Variants in AKAP6 observed in about 807,000 individuals in gnomAD.
AKAP6 encodes A-kinase anchoring protein 6.
Under a neutral mutation model 188.5 loss-of-function variants are expected in AKAP6, and 58 were observed. That is an observed-to-expected ratio of 0.31 (90% confidence interval 0.25 to 0.38). AKAP6 has a LOEUF of 0.38. Ranked by LOEUF, AKAP6 falls within the 10% of genes least tolerant of loss-of-function variation. AKAP6 has a pLI of 1.00. For missense variants in AKAP6, 2,710 were observed against 2,740.0 expected, an observed-to-expected ratio of 0.99 and a Z score of 0.24; for synonymous variants, 989 against 998.6, an observed-to-expected ratio of 0.99 and a Z score of 0.18.
chr14:32,420,909 T>TGTG (rs1889820232), intron 1 of AKAP6, among the ~76,000 whole-genome samples: 1 of 146,410 alleles, frequency 6.8e-6, no homozygotes, highest in Non-Finnish European at 1.5e-5. Flanking sequence ...GGAGATTGAT[T>TGTG]TGTGTGTGTG....
Position 32,837,428 on chromosome 14 carries a change from TA to T in AKAP6, c.*7628del, listed in dbSNP as rs2034886037. The T allele has an allele frequency of 6.6e-6, 1 of 152,178 alleles. No individual in the cohort carries two copies. Among genetic ancestry groups the T allele is most frequent in the Admixed American group, 6.5e-5 (1 of 15,272 alleles). The allele number at this position is 152,178 out of a possible 1,614,324, so 9.4% of individuals were successfully genotyped here. A position where few individuals can be genotyped will look rare whatever the true frequency, so the allele number is the denominator to read the frequency against. Reference sequence around the variant, plus strand: ...AAAATGATTGAAGGCATTAGGAACATAAAAATGCATAAGATCCTCTTTTAAA... The same window carrying T: ...AAAATGATTGAAGGCATTAGGAACATAAAATGCATAAGATCCTCTTTTAAA... On this transcript the variant is annotated 3_prime_UTR_variant, in exon 14 of 14. Transcript: ENST00000280979.
intron 11 of AKAP6, among the ~76,000 whole-genome samples, chr14:32,756,085 G>C (rs1405447758): frequency 6.6e-6 from 1 of 152,180 alleles, no homozygotes; most frequent in Non-Finnish European, 1.5e-5. Context: ...CAGCAGGTGG[G>C]TGGGCTTGGC....
chr14:32,473,171 A>G (rs1358335356), intron 2 of AKAP6, among the ~76,000 whole-genome samples: 1 of 152,228 alleles, frequency 6.6e-6, no homozygotes, highest in Non-Finnish European at 1.5e-5. Flanking sequence ...AGCAATACTT[A>G]TAACATAGAT....
At chr14:32,492,174 A>T (rs1383916666) in intron 2 of AKAP6, among the ~76,000 whole-genome samples, 2 of 151,334 alleles carry the variant, frequency 1.3e-5, no homozygotes, top group African/African-American at 2.4e-5. Flanking sequence ...GCTTTCTCCC[A>T]TTGCCCATGT....
At chr14:32,726,845 A>G (rs2030899687) in intron 9 of AKAP6, among the ~76,000 whole-genome samples, 1 of 152,244 alleles carries the variant, frequency 6.6e-6, no homozygotes, top group African/African-American at 2.4e-5. Flanking sequence ...GGTCATCTGC[A>G]TTAAATGATT....
chr14:32,662,368 G>T (rs1331059243), intron 7 of AKAP6, among the ~76,000 whole-genome samples: 2 of 152,046 alleles, frequency 1.3e-5, no homozygotes, highest in Non-Finnish European at 2.9e-5. Flanking sequence ...TCTCACTGTT[G>T]TCTTTTATTC....
At chr14:32,468,140 G>A (rs1307793389) in intron 2 of AKAP6, among the ~76,000 whole-genome samples, 1 of 150,088 alleles carries the variant, frequency 6.7e-6, no homozygotes, top group East Asian at 1.9e-4. Context: ...CCAGACAGCA[G>A]CATTCAGAAT....
At chr14:32,631,490 A>G (rs1456156930) in intron 7 of AKAP6, among the ~76,000 whole-genome samples, 3 of 152,074 alleles carry the variant, frequency 2.0e-5, no homozygotes, top group Non-Finnish European at 4.4e-5. Flanking sequence ...AAGTTAGTAA[A>G]CACTGGATAT....
Position 32,833,053 on chromosome 14 carries a change from TAAG to T in AKAP6, c.*3251_*3253del, listed in dbSNP as rs2034837858. The T allele has an allele frequency of 1.3e-5, 2 of 152,420 alleles. No homozygotes were observed. 9.4% of individuals were successfully genotyped at this position (152,420 alleles called of 1,614,324 possible). On this transcript the variant is annotated 3_prime_UTR_variant, in exon 14 of 14. Transcript: ENST00000280979. ...TTGTAAATTTCAAACAATAAATAAA[TAAG>T]AATCCATGACTTCCTTCAGTGGCCC...
At chr14:32,465,409 G>A (rs1259025792) in intron 2 of AKAP6, among the ~76,000 whole-genome samples, 1 of 152,096 alleles carries the variant, frequency 6.6e-6, no homozygotes, top group East Asian at 1.9e-4. Context: ...CAATGGAACA[G>A]AACAGAGACC....
intron 13 of AKAP6, among the ~76,000 whole-genome samples, chr14:32,827,269 C>A (rs939058449): frequency 6.6e-6 from 1 of 151,462 alleles, no homozygotes; most frequent in Non-Finnish European, 1.5e-5. Flanking sequence ...AAAAGCTGTG[C>A]TTTTTAAAGA....
intron 9 of AKAP6, among the ~76,000 whole-genome samples, chr14:32,699,811 C>T (rs1381124785): frequency 2.6e-5 from 4 of 152,152 alleles, no homozygotes; most frequent in Non-Finnish European, 4.4e-5. Flanking sequence ...CTTTCTTTCT[C>T]GTCATTCCTC....
At chr14:32,370,229 A>G (rs1416281431) in intron 1 of AKAP6, among the ~76,000 whole-genome samples, 2 of 152,194 alleles carry the variant, frequency 1.3e-5, no homozygotes, top group Admixed American at 1.3e-4. Flanking sequence ...AATTAGCACA[A>G]ACCAGAAACT....
At chr14:32,643,391 T>G (rs1018556688) in intron 7 of AKAP6, among the ~76,000 whole-genome samples, 5 of 152,076 alleles carry the variant, frequency 3.3e-5, no homozygotes, top group Middle Eastern at 3.4e-3. Context: ...CACTGCAACC[T>G]CTGCCTCCCG....
chr14:32,394,290 GAT>G (rs1433845550), intron 1 of AKAP6, among the ~76,000 whole-genome samples: 1 of 152,124 alleles, frequency 6.6e-6, no homozygotes. Flanking sequence ...ACTCACAAGA[GAT>G]ATGTTCTCTG....
chr14:32,599,528 C>G (rs567070076), intron 6 of AKAP6, 22 bp downstream of exon 6: 1 of 1,581,198 alleles, frequency 6.3e-7, no homozygotes, highest in African/African-American at 1.3e-5. Context: ...TGAAATATTG[C>G]AAGTCTTTAC....
chr14:32,520,628 C>T (rs1176797906), intron 2 of AKAP6, among the ~76,000 whole-genome samples: 1 of 151,976 alleles, frequency 6.6e-6, no homozygotes, highest in Non-Finnish European at 1.5e-5. Flanking sequence ...ACACATACAC[C>T]CTCCCAAGAC....
At chr14:32,673,912 T>A (rs1442109895) in intron 7 of AKAP6, among the ~76,000 whole-genome samples, 2 of 151,930 alleles carry the variant, frequency 1.3e-5, no homozygotes, top group Non-Finnish European at 2.9e-5. Flanking sequence ...CAGAAAAAAA[T>A]GTAAACCAGC....
At chr14:32,353,266 A>G (rs1384871958) in intron 1 of AKAP6, among the ~76,000 whole-genome samples, 6 of 152,176 alleles carry the variant, frequency 3.9e-5, no homozygotes, top group Non-Finnish European at 8.8e-5. Context: ...AATATTGTTA[A>G]AAGTATGGCT....
Sources: allele counts gnomAD v4.1 joint callset (sites outside exome capture counted in the v4.1 genomes callset), GRCh38; gene constraint gnomAD v4.1.1; transcripts MANE v1.5; gene names NCBI Gene and HGNC (gene_info 2026-07-23, HGNC 2026-07-21).